Variants in LOXHD1 observed in about 807,000 individuals in gnomAD.
LOXHD1 encodes the protein lipoxygenase homology domain-containing protein 1.
Under a neutral mutation model 248.2 loss-of-function variants are expected in LOXHD1, and 205 were observed. That is an observed-to-expected ratio of 0.83 (90% CI 0.74 to 0.93). LOXHD1 has a LOEUF of 0.93. Among genes scored for constraint, LOXHD1 ranks in the 40% least tolerant of loss-of-function variants. The pLI, the probability that LOXHD1 is intolerant of heterozygous loss-of-function variation, is 0.00. For synonymous variants in LOXHD1, 1,113 were observed against 1,162.8 expected (o/e 0.96, Z 0.87); for missense variants, 2,930 against 2,971.6 (o/e 0.99, Z 0.33).
intron 22 of LOXHD1, 102 bp from the exon 23 acceptor site, chr18:46,545,523 T>C (rs1246039233): frequency 3.7e-6 from 3 of 811,856 alleles, no homozygotes; most frequent in Non-Finnish European, 6.2e-6. Flanking sequence ...CTTGATTCAC[T>C]CCCTCTACCC....
intron 14 of LOXHD1, among the ~76,000 whole-genome samples, chr18:46,573,022 CAAAAAAAAAAAA>C (rs71162809): frequency 2.1e-4 from 12 of 57,376 alleles, no homozygotes; most frequent in Admixed American, 7.1e-4. Context: ...GACTCCGTCT[CAAAAAAAAAAAA>C]AAAAAAAAAA....
chr18:46,491,621 T>C (rs980702382), intron 37 of LOXHD1, among the ~76,000 whole-genome samples: 1 of 152,226 alleles, frequency 6.6e-6, no homozygotes, highest in African/African-American at 2.4e-5. Flanking sequence ...TGGCATTACC[T>C]GGAGACGTGG....
chr18:46,532,610 G>A (rs986982498), intron 28 of LOXHD1, among the ~76,000 whole-genome samples: 1 of 152,176 alleles, frequency 6.6e-6, no homozygotes, highest in Admixed American at 6.5e-5. Flanking sequence ...AAATCCTTCA[G>A]AGAAAACCAC....
intron 1 of LOXHD1, among the ~76,000 whole-genome samples, chr18:46,651,438 G>A (rs922672692): frequency 6.6e-6 from 1 of 152,086 alleles, no homozygotes. Flanking sequence ...CACACAGCTT[G>A]CACATAAAGG....
chr18:46,572,038 C>G, intron 15 of LOXHD1, 48 bp downstream of exon 15: 2 of 1,473,386 alleles, frequency 1.4e-6, no homozygotes, highest in South Asian at 1.2e-5. Context: ...GGGAAGGCCC[C>G]TGTCTCACCA....
chr18:46,561,078 C>T (rs961945696), intron 18 of LOXHD1, among the ~76,000 whole-genome samples: 1 of 152,152 alleles, frequency 6.6e-6, no homozygotes, highest in African/African-American at 2.4e-5. Flanking sequence ...AACAAAAGTG[C>T]TCTTTTTCAA....
At chr18:46,502,775 G>T (rs916535543) in intron 37 of LOXHD1, among the ~76,000 whole-genome samples, 4 of 152,114 alleles carry the variant, frequency 2.6e-5, no homozygotes, top group South Asian at 2.1e-4. Flanking sequence ...AAATGGCTCT[G>T]GCATGGAAAA....
chr18:46,594,266 C>T, intron 9 of LOXHD1, 65 bp downstream of exon 9: 1 of 1,543,542 alleles, frequency 6.5e-7, no homozygotes, highest in African/African-American at 1.4e-5. Context: ...GCCTAGTGGT[C>T]TGACATTCTG....
chr18:46,642,395 T>C (rs1391147624), intron 2 of LOXHD1, among the ~76,000 whole-genome samples: 1 of 152,072 alleles, frequency 6.6e-6, no homozygotes, highest in Non-Finnish European at 1.5e-5. Flanking sequence ...CTGGGTTGGG[T>C]GGATGGAGGA....
chr18:46,588,631 T>A (rs2038106783), intron 12 of LOXHD1, among the ~76,000 whole-genome samples: 1 of 152,232 alleles, frequency 6.6e-6, no homozygotes, highest in South Asian at 2.1e-4. Flanking sequence ...CCCAACTTTC[T>A]GGACAGGAAG....
At chr18:46,596,777 A>C (rs2038263195) in intron 8 of LOXHD1, among the ~76,000 whole-genome samples, 1 of 152,252 alleles carries the variant, frequency 6.6e-6, no homozygotes, top group African/African-American at 2.4e-5. Flanking sequence ...TAGAAAAAAC[A>C]GATAGTGGCA....
chr18:46,513,404 C>T (rs2035078469), intron 34 of LOXHD1, among the ~76,000 whole-genome samples: 1 of 152,146 alleles, frequency 6.6e-6, no homozygotes, highest in Non-Finnish European at 1.5e-5. Flanking sequence ...GAGGTCTTTG[C>T]AGATGTAATT....
At chr18:46,601,765 G>A (rs1393195878) in intron 7 of LOXHD1, 1 of 403,940 alleles carries the variant, frequency 2.5e-6, no homozygotes, top group African/African-American at 2.1e-5. Context: ...AACTCGGGTT[G>A]GCTAAGAATA....
chr18:46,595,766 G>A (rs1378900614), intron 8 of LOXHD1, among the ~76,000 whole-genome samples: 1 of 152,186 alleles, frequency 6.6e-6, no homozygotes, highest in Non-Finnish European at 1.5e-5. Context: ...GCACAGGAGG[G>A]TATAATCACC....
At chr18:46,586,208 G>A (rs1054733281) in intron 12 of LOXHD1, among the ~76,000 whole-genome samples, 2 of 152,162 alleles carry the variant, frequency 1.3e-5, no homozygotes, top group African/African-American at 2.4e-5. Context: ...AATCTGTGGA[G>A]ACAAAAAGTA....
At chr18:46,492,688 T>C (rs1020566769) in intron 37 of LOXHD1, among the ~76,000 whole-genome samples, 2 of 152,224 alleles carry the variant, frequency 1.3e-5, no homozygotes, top group African/African-American at 4.8e-5. Flanking sequence ...AAGTCTCCTC[T>C]TTTAGGGTTC....
At chr18:46,534,004 G>C (rs1268872038) in intron 27 of LOXHD1, among the ~76,000 whole-genome samples, 1 of 152,288 alleles carries the variant, frequency 6.6e-6, no homozygotes, top group East Asian at 1.9e-4. Context: ...GCTTCAGAAT[G>C]TTTTTAAAGT....
Position 46,524,578 on chromosome 18 carries a change from G to A in LOXHD1, c.4764C>T (p.Ser1588=). The A allele has an allele frequency of 6.4e-7, 1 of 1,551,752 alleles. No individual in the cohort carries two copies. The highest frequency in any genetic ancestry group is 8.7e-7 in the Non-Finnish European group (1 of 1,147,016). The change falls in exon 31 of 41, where the codon AGC becomes AGT. Residue 1588 remains serine (S), a synonymous_variant. Transcript: ENST00000642948. The stretch of plus-strand genomic sequence containing the variant: ...AGAAGTCAGCAGGGCTGCTGCAGTT[G>A]CTGCTGCGGTCCCCAGTGTACTCCT... ...YEKEYTGDRS[S]NCSSPADFWE...
At chr18:46,635,636 A>G (rs1361935233) in intron 4 of LOXHD1, among the ~76,000 whole-genome samples, 1 of 152,192 alleles carries the variant, frequency 6.6e-6, no homozygotes. Context: ...GATGCTAGCA[A>G]TGCTATATGA....
Sources: gnomAD v4.1 joint callset for allele counts (sites outside exome capture counted in the v4.1 genomes callset) on GRCh38, gnomAD v4.1.1 for gene constraint, MANE v1.5 for transcripts, NCBI Gene and HGNC (gene_info 2026-07-23, HGNC 2026-07-21) for gene names.